The following FAT3 variants were observed in gnomAD, a reference collection of about 807,000 sequenced individuals.
The protein encoded by FAT3 is protocadherin Fat 3.
FAT3 carries 95 observed loss-of-function variants against 310.2 expected under a neutral mutation model. The ratio of observed to expected loss-of-function variants is 0.31; its 90% CI spans 0.26 to 0.36. The LOEUF (loss-of-function observed/expected upper bound fraction) is 0.36, where lower values mean the gene tolerates loss of function less well. Among genes scored for constraint, FAT3 ranks in the 10% least tolerant of loss-of-function variants. The probability of loss-of-function intolerance (pLI) is 1.00; values close to 1 mark genes in which losing one functional copy is unlikely to be tolerated. For synonymous variants in FAT3, 2,314 were observed against 2,192.9 expected, an observed-to-expected ratio of 1.06 and a Z score of -1.54; for missense variants, 5,408 against 5,715.6, an observed-to-expected ratio of 0.95 and a Z score of 1.74.
chr11:92,704,569 C>CTAA (rs1358203844), intron 4 of FAT3, among the ~76,000 whole-genome samples: 1 of 152,068 alleles, frequency 6.6e-6, no homozygotes, highest in Non-Finnish European at 1.5e-5. Context: ...ATATGGCTGA[C>CTAA]TAATGTCCTT....
chr11:92,577,673 A>G (rs1938558703), intron 3 of FAT3, among the ~76,000 whole-genome samples: 1 of 152,134 alleles, frequency 6.6e-6, no homozygotes, highest in African/African-American at 2.4e-5. Flanking sequence ...AAGAAAGGAA[A>G]GCTACTTTAG....
intron 2 of FAT3, among the ~76,000 whole-genome samples, chr11:92,442,649 A>G (rs1951102548): frequency 6.6e-6 from 1 of 152,088 alleles, no homozygotes; most frequent in Admixed American, 6.6e-5. Flanking sequence ...TGACTTGTGC[A>G]GGTCCGGCTT....
At position 92,888,945 on chromosome 11, in the gene FAT3, C is replaced by G. The variant is rs143199216; in HGVS notation, c.13052-244C>G. 8.1e-3 allele frequency among the ~76,000 whole-genome samples: 1,239 copies of G among 152,210 alleles called. 27 individuals are homozygous for G. The highest frequency in any genetic ancestry group is 0.028 in the African/African-American group (1,177 of 41,510). On this transcript the variant is annotated intron_variant, in intron 25 of 27. Coordinates refer to ENST00000525166, the MANE Select transcript of FAT3 (RefSeq NM_001367949.2). The stretch of plus-strand genomic sequence containing the variant: ...GACTCAGCAATCATGACCTATCCTG[C>G]CTTTCAGGAGGACTGGCATTGGATT...
intron 19 of FAT3, among the ~76,000 whole-genome samples, chr11:92,848,392 G>A (rs1425396522): frequency 6.6e-6 from 1 of 152,168 alleles, no homozygotes; most frequent in Non-Finnish European, 1.5e-5. Context: ...TATCACTTCA[G>A]TAAGAAAGAC....
At chr11:92,486,702 C>G (rs1290644018) in intron 2 of FAT3, among the ~76,000 whole-genome samples, 1 of 152,162 alleles carries the variant, frequency 6.6e-6, no homozygotes, top group African/African-American at 2.4e-5. Context: ...CCACTCTATT[C>G]TCTAAGTCTT....
chr11:92,651,305 G>A (rs916800842), intron 3 of FAT3, among the ~76,000 whole-genome samples: 2 of 152,208 alleles, frequency 1.3e-5, no homozygotes, highest in Non-Finnish European at 2.9e-5. Context: ...TTGTGAAGAT[G>A]GCTGGGCTGA....
chr11:92,846,634 A>G (rs1948690560), intron 19 of FAT3, among the ~76,000 whole-genome samples: 1 of 152,182 alleles, frequency 6.6e-6, no homozygotes, highest in African/African-American at 2.4e-5. Flanking sequence ...ATAAGACACT[A>G]ATGTCTTAAA....
intron 3 of FAT3, among the ~76,000 whole-genome samples, chr11:92,652,720 T>C (rs769433849): frequency 6.6e-6 from 1 of 152,304 alleles, no homozygotes; most frequent in Non-Finnish European, 1.5e-5. Context: ...TTCTTTGGTA[T>C]GTGTATGTGT....
At chr11:92,642,087 C>T (rs1189679189) in intron 3 of FAT3, among the ~76,000 whole-genome samples, 3 of 152,158 alleles carry the variant, frequency 2.0e-5, no homozygotes, top group South Asian at 2.1e-4. Context: ...TCATGAAATG[C>T]ATGTATCTGA....
At chr11:92,823,771 G>A (rs1429237458) in intron 13 of FAT3, among the ~76,000 whole-genome samples, 1 of 152,124 alleles carries the variant, frequency 6.6e-6, no homozygotes, top group Non-Finnish European at 1.5e-5. Context: ...ATGGGAATGT[G>A]CCAGTTTTAG....
At chr11:92,531,114 G>A (rs1057472659) in intron 3 of FAT3, among the ~76,000 whole-genome samples, 4 of 152,182 alleles carry the variant, frequency 2.6e-5, no homozygotes, top group Admixed American at 6.5e-5. Context: ...ATAATGTAGC[G>A]AATGAGTATG....
intron 3 of FAT3, among the ~76,000 whole-genome samples, chr11:92,588,161 A>AT (rs1272502238): frequency 6.6e-6 from 1 of 151,908 alleles, no homozygotes; most frequent in African/African-American, 2.4e-5. Context: ...CTTGGAGAGC[A>AT]TGCATACTTT....
chr11:92,380,071 TCGTGTG>T (rs1949451355), intron 2 of FAT3, among the ~76,000 whole-genome samples: 2 of 85,108 alleles, frequency 2.3e-5, no homozygotes, highest in South Asian at 1.3e-3. Flanking sequence ...GCAAACTGAT[TCGTGTG>T]TGTGTGTGTG....
chr11:92,333,786 G>C (rs928975252), intron 1 of FAT3, among the ~76,000 whole-genome samples: 16 of 151,752 alleles, frequency 1.1e-4, no homozygotes, highest in Non-Finnish European at 1.5e-5. Flanking sequence ...AAGGAAGGGT[G>C]GGATGTTTGG....
At chr11:92,744,680 T>G (rs1312947610) in intron 4 of FAT3, among the ~76,000 whole-genome samples, 1 of 151,696 alleles carries the variant, frequency 6.6e-6, no homozygotes, top group Admixed American at 6.6e-5. Context: ...GGTGGGCCAG[T>G]TTTTTTTAAT....
At chr11:92,797,714 T>A (rs1447815912) in intron 9 of FAT3, 122 bp from the exon 10 acceptor site, 2 of 796,774 alleles carry the variant, frequency 2.5e-6, no homozygotes, top group Non-Finnish European at 4.0e-6. Flanking sequence ...ATGACACAGA[T>A]GAGTACTATA....
At chr11:92,645,748 TG>T (rs1942138186) in intron 3 of FAT3, among the ~76,000 whole-genome samples, 1 of 152,206 alleles carries the variant, frequency 6.6e-6, no homozygotes, top group South Asian at 2.1e-4. Context: ...CCTGGCAATT[TG>T]GATATTACAA....
At position 92,354,292 on chromosome 11, in the gene FAT3, A is replaced by G; in HGVS notation, c.2180A>G (p.Lys727Arg). The G allele has an allele frequency of 6.2e-7, 1 of 1,613,728 alleles. No individual in the cohort carries two copies. Among genetic ancestry groups the G allele is most frequent in the Non-Finnish European group, 8.5e-7 (1 of 1,179,838 alleles). Reference sequence around the variant, plus strand: ...AATAGACAGGGACCATATTTTGACAAGTCTTTTCCTTCTGATGTGGCTGTA... The same window carrying G: ...AATAGACAGGGACCATATTTTGACAGGTCTTTTCCTTCTGATGTGGCTGTA... ...SINRQGPYFD[K>R]SFPSDVAVKE... Residue 727 changes from lysine (K) to arginine (R), a missense_variant, in exon 2 of 28, where the codon AAG (lysine) becomes AGG (arginine). Physicochemically the swap from Lys to Arg is conservative, Grantham distance 26. Coordinates refer to ENST00000525166, the MANE Select transcript of FAT3 (RefSeq NM_001367949.2).
chr11:92,457,802 GT>G (rs1823712050), intron 2 of FAT3, among the ~76,000 whole-genome samples: 1 of 152,028 alleles, frequency 6.6e-6, no homozygotes, highest in Non-Finnish European at 1.5e-5. Flanking sequence ...TGCACCTGTA[GT>G]CCCAGCCACT....
Sources: allele counts gnomAD v4.1 joint callset (sites outside exome capture counted in the v4.1 genomes callset), GRCh38; gene constraint gnomAD v4.1.1; transcripts MANE v1.5; gene names NCBI Gene and HGNC (gene_info 2026-07-23, HGNC 2026-07-21).